Variants in USP22 observed in about 807,000 individuals in gnomAD.
The protein encoded by USP22 is ubiquitin carboxyl-terminal hydrolase 22.
A neutral mutation model predicts 68.1 loss-of-function variants in USP22; 22 were observed. The observed-to-expected ratio is 0.32, with a 90% CI of 0.23 to 0.46. The LOEUF (loss-of-function observed/expected upper bound fraction) is 0.46, where lower values mean the gene tolerates loss of function less well. Among genes scored for constraint, USP22 ranks in the 20% least tolerant of loss-of-function variants. The pLI is 1.00. For missense variants in USP22, 433 were observed against 695.8 expected, an observed-to-expected ratio of 0.62 and a Z score of 4.25; for synonymous variants, 279 against 274.2, an observed-to-expected ratio of 1.02 and a Z score of -0.17.
intron 2 of USP22, among the ~76,000 whole-genome samples, chr17:21,027,982 G>A (rs1972243401): frequency 6.6e-6 from 1 of 152,020 alleles, no homozygotes; most frequent in Non-Finnish European, 1.5e-5. Flanking sequence ...AAAAGAAAAA[G>A]CCAAGAGCAA....
intron 1 of USP22, among the ~76,000 whole-genome samples, chr17:21,034,260 A>T (rs73984915): frequency 9.9e-5 from 15 of 152,280 alleles, no homozygotes; most frequent in Admixed American, 2.0e-4. Context: ...CATTCAGCAA[A>T]GGCAAGACCT....
rs777623189 is a variant in USP22, at chr17:21,015,816, G to A, written c.774C>T (p.Tyr258=). 7.4e-6 allele frequency: 12 copies of A among 1,613,922 alleles called. No homozygotes were observed. The highest frequency in any genetic ancestry group is 2.2e-5 in the East Asian group (1 of 44,868). The part of the protein sequence containing the change: ...VWTHARHLAG[Y]EQQDAHEFLI... ...GGAACTCGTGGGCGTCCTGCTGCTC[G>A]TAGCCTGCTAGGTGCCTCGCGTGGG... Residue 258 remains tyrosine, a synonymous_variant, in exon 6 of 13, where the codon TAC becomes TAT. Transcript: ENST00000261497.
At chr17:21,018,147 T>C (rs1301621785) in intron 4 of USP22, 36 bp from the exon 5 acceptor site, 1 of 1,520,446 alleles carries the variant, frequency 6.6e-7, no homozygotes. Context: ...GAGTTACCTG[T>C]GTGCTGAACC....
rs1167035970 is a variant in USP22, at chr17:21,028,578, T to TATG, written c.265_267dup (p.His89dup). On this transcript the variant is annotated inframe_insertion, in exon 2 of 13. Transcript: ENST00000261497. Reference sequence around the variant, plus strand: ...CGCTTCGCCTTCGCATGCTCGTGAATATGCTTCTTTGTGAAACAGCCGAAG... The same window carrying TATG: ...CGCTTCGCCTTCGCATGCTCGTGAATATGATGCTTCTTTGTGAAACAGCCGAAG... The TATG allele has an allele frequency of 6.2e-7, 1 of 1,613,930 alleles. No individual in the cohort carries two copies. The highest frequency in any genetic ancestry group is 8.5e-7 in the Non-Finnish European group (1 of 1,180,012).
intron 1 of USP22, among the ~76,000 whole-genome samples, chr17:21,031,622 CACTCCATTATA>C: frequency 2.1e-5 from 3 of 142,288 alleles, no homozygotes; most frequent in African/African-American, 8.0e-5. Context: ...CTGTGCTACA[CACTCCATTATA>C]GTCTCTCTCT....
Position 21,004,788 on chromosome 17 carries a change from CAATAGTGGAG to C in USP22, c.1385+130_1385+139del. Reference sequence around the variant, plus strand: ...CTTTCCTAGTGGAGCTGCGGGCAGCCAATAGTGGAGCTGCGGGCAGCCAAGCGGGAAGCAG... The same window carrying C: ...CTTTCCTAGTGGAGCTGCGGGCAGCCCTGCGGGCAGCCAAGCGGGAAGCAG... On this transcript the variant is annotated intron_variant, in intron 11 of 12. Coordinates refer to ENST00000261497, the MANE Select transcript of USP22 (RefSeq NM_015276.2). 78 of 87,264 alleles carry C rather than the reference CAATAGTGGAG, an allele frequency of 8.9e-4. 19 individuals are homozygous for C. Among genetic ancestry groups the C allele is most frequent in the South Asian group, 4.8e-3 (10 of 2,082 alleles). 5.4% of individuals were successfully genotyped at this position (87,264 alleles called of 1,614,324 possible). A position where few individuals can be genotyped will look rare whatever the true frequency, so the allele number is the denominator to read the frequency against.
chr17:21,018,062 G>A lies in USP22; in HGVS notation c.570C>T (p.Ile190=), dbSNP rs368390257. 5 of 1,612,068 alleles carry A rather than the reference G, an allele frequency of 3.1e-6. No homozygotes were observed. Among genetic ancestry groups the A allele is most frequent in the Middle Eastern group, 3.4e-4 (2 of 5,942 alleles). The change falls in exon 5 of 13, where the codon ATC becomes ATT. Residue 190 remains isoleucine (I), a synonymous_variant. Transcript: ENST00000261497. ...GTGGCGTGTGGGTCAGGGCCTGCACGATGCAGTTCATGAAGCATGTGTTCC... is the reference window on the plus strand; with the variant it reads ...GTGGCGTGTGGGTCAGGGCCTGCACAATGCAGTTCATGAAGCATGTGTTCC... ...NLGNTCFMNC[I]VQALTHTPLL... is the part of the protein sequence containing the mutation.
At chr17:21,043,303 C>CCCCCCCCCCCCCCCCG (rs1567596626), upstream of USP22, 3 of 53,672 alleles carry the variant, frequency 5.6e-5, no homozygotes, top group Non-Finnish European at 1.0e-4. Context: ...TAGGCCACCC[C>CCCCCCCCCCCCCCCCG]CCCCCCCCCC....
At chr17:21,005,066 C>A in intron 10 of USP22, 76 bp from the exon 11 acceptor site, 1 of 1,528,634 alleles carries the variant, frequency 6.5e-7, no homozygotes, top group South Asian at 1.1e-5. Context: ...GTGAAACCAA[C>A]ACTTATCCAA....
chr17:21,040,136 T>A (rs111553038), intron 1 of USP22, among the ~76,000 whole-genome samples: 1 of 152,162 alleles, frequency 6.6e-6, no homozygotes, highest in Admixed American at 6.5e-5. Flanking sequence ...GACCAGACCA[T>A]TGCACTCCAT....
intron 9 of USP22, among the ~76,000 whole-genome samples, chr17:21,007,523 A>C (rs1227808025): frequency 6.6e-6 from 1 of 152,176 alleles, no homozygotes; most frequent in Non-Finnish European, 1.5e-5. Flanking sequence ...CAACTCCTGG[A>C]CCAGATCTGC....
chr17:21,013,214 G>A (rs1164087708), intron 6 of USP22, among the ~76,000 whole-genome samples: 1 of 152,194 alleles, frequency 6.6e-6, no homozygotes, highest in Non-Finnish European at 1.5e-5. Flanking sequence ...CAGTGACTGA[G>A]CAGAATAATC....
intron 1 of USP22, among the ~76,000 whole-genome samples, chr17:21,032,242 T>C (rs1457488875): frequency 6.6e-6 from 1 of 152,244 alleles, no homozygotes; most frequent in Non-Finnish European, 1.5e-5. Flanking sequence ...TCTAGCTTTG[T>C]GTTAAGTCAC....
intron 10 of USP22, 147 bp downstream of exon 10, chr17:21,006,749 C>T (rs933012834): frequency 1.7e-5 from 9 of 519,690 alleles, no homozygotes; most frequent in South Asian, 1.3e-4. Context: ...ATGATCTGCC[C>T]GCTTCGACCT....
chr17:21,027,227 G>A (rs961066295), intron 2 of USP22, among the ~76,000 whole-genome samples: 11 of 134,142 alleles, frequency 8.2e-5, no homozygotes, highest in African/African-American at 1.7e-4. Flanking sequence ...GGTCAAGGCC[G>A]CAGCGAGCCA....
intron 1 of USP22, among the ~76,000 whole-genome samples, chr17:21,031,368 GA>G (rs1972289044): frequency 6.6e-6 from 1 of 152,250 alleles, no homozygotes; most frequent in African/African-American, 2.4e-5. Flanking sequence ...CAGCGTGGAT[GA>G]ATCTCAGAAA....
At chr17:21,021,053 G>C in intron 3 of USP22, 60 bp downstream of exon 3, 1 of 1,361,966 alleles carries the variant, frequency 7.3e-7, no homozygotes, top group Non-Finnish European at 1.0e-6. Flanking sequence ...TACTGGGTCT[G>C]CCCTTGATGG....
At chr17:21,039,673 G>C (rs1416209525) in intron 1 of USP22, among the ~76,000 whole-genome samples, 1 of 152,148 alleles carries the variant, frequency 6.6e-6, no homozygotes, top group Non-Finnish European at 1.5e-5. Context: ...CAAAGTTTGG[G>C]TACAAAATGC....
At chr17:21,040,836 A>G (rs573108601) in intron 1 of USP22, among the ~76,000 whole-genome samples, 2 of 151,782 alleles carry the variant, frequency 1.3e-5, no homozygotes, top group South Asian at 2.1e-4. Context: ...CTACTGACCC[A>G]GAGTAGCAAC....
Sources: gnomAD v4.1 joint callset for allele counts (sites outside exome capture counted in the v4.1 genomes callset) on GRCh38, gnomAD v4.1.1 for gene constraint, MANE v1.5 for transcripts, NCBI Gene and HGNC (gene_info 2026-07-23, HGNC 2026-07-21) for gene names.